ME2: variants seen among roughly 807,000 people sequenced by gnomAD.
The protein encoded by ME2 is NAD-dependent malic enzyme, mitochondrial.
A neutral mutation model predicts 73.7 loss-of-function variants in ME2; 60 were observed. The observed-to-expected ratio is 0.81, with a 90% CI of 0.66 to 1.01. ME2 has a LOEUF of 1.01. ME2 is among the 50% of genes least tolerant of loss of function. The probability of loss-of-function intolerance (pLI) is 0.00; values close to 1 mark genes in which losing one functional copy is unlikely to be tolerated. For missense variants in ME2, 594 were observed against 705.5 expected, an observed-to-expected ratio of 0.84 and a Z score of 1.79; for synonymous variants, 199 against 236.9, an observed-to-expected ratio of 0.84 and a Z score of 1.47.
intron 15 of ME2, among the ~76,000 whole-genome samples, chr18:50,941,345 G>A (rs1161851664): frequency 7.8e-6 from 1 of 127,482 alleles, no homozygotes; most frequent in Non-Finnish European, 1.6e-5. Context: ...GTGTATTTGT[G>A]ATGGTTTCTT....
At position 50,950,467 on chromosome 18, in the gene ME2, C is replaced by CCTTTTTTTTTT. The variant is rs1320031263; in HGVS notation, c.*3283_*3284insCTTTTTTTTTT. 17 of 45,072 alleles carry CCTTTTTTTTTT rather than the reference C, an allele frequency of 3.8e-4. No homozygotes were observed. The highest frequency in any genetic ancestry group is 1.2e-3 in the African/African-American group (14 of 11,284). 2.8% of individuals were successfully genotyped at this position (45,072 alleles called of 1,614,324 possible). On this transcript the variant is annotated 3_prime_UTR_variant, in exon 16 of 16. Coordinates refer to ENST00000321341, the MANE Select transcript of ME2 (RefSeq NM_002396.5). ...GCCTGGGGTGGGGCCTCAGATTCTG[C>CCTTTTTTTTTT]TTTTTTTTTTTTTTTTTTTTTTTTT...
chr18:50,907,908 C>G (rs1452785095), intron 2 of ME2, among the ~76,000 whole-genome samples, 155 bp from the exon 3 acceptor site: 1 of 152,140 alleles, frequency 6.6e-6, no homozygotes, highest in Non-Finnish European at 1.5e-5. Flanking sequence ...ACACCCTGAC[C>G]AATACTGACA....
At chr18:50,917,246 C>T in intron 5 of ME2, 101 bp from the exon 6 acceptor site, 3 of 877,316 alleles carry the variant, frequency 3.4e-6, no homozygotes, top group Non-Finnish European at 5.1e-6. Context: ...TTTTTAAGAG[C>T]AAAGAGTAAA....
chr18:50,935,347 A>G (rs1040925852), intron 13 of ME2: 3 of 152,198 alleles, frequency 2.0e-5, no homozygotes, highest in East Asian at 1.9e-4. Context: ...CGTAAATGCT[A>G]TGAAACAAAT....
chr18:50,924,098 G>A lies in ME2; in HGVS notation c.1057G>A (p.Gly353Arg), dbSNP rs1457864062. Residue 353 changes from glycine to arginine, a missense_variant and splice_region_variant, in exon 11 of 16, where the codon GGA (glycine) becomes AGA (arginine). Physicochemically the swap from Gly to Arg is moderately radical, Grantham distance 125. Transcript: ENST00000321341. ...TACTGTATTTTATCTCAAAATTTAG[G>A]GACGGAAAGCAAAAATAGATAGTTA... The part of the protein sequence containing the change: ...MFDKYGLLVK[G>R]RKAKIDSYQE... 1 of 1,599,160 alleles carries A rather than the reference G, an allele frequency of 6.3e-7. No individual in the cohort carries two copies. The highest frequency in any genetic ancestry group is 1.1e-5 in the South Asian group (1 of 88,874).
chr18:50,946,232 G>T (rs1918080134), intron 15 of ME2, among the ~76,000 whole-genome samples: 1 of 152,300 alleles, frequency 6.6e-6, no homozygotes, highest in South Asian at 2.1e-4. Context: ...CAGAACTGAG[G>T]TTCAAGGGCT....
intron 2 of ME2, among the ~76,000 whole-genome samples, chr18:50,907,316 A>T (rs1917041511): frequency 6.6e-6 from 1 of 152,202 alleles, no homozygotes; most frequent in Non-Finnish European, 1.5e-5. Flanking sequence ...TAAAACTCAC[A>T]AAGCTTGTTG....
intron 15 of ME2, among the ~76,000 whole-genome samples, chr18:50,946,698 C>T (rs1918091333): frequency 1.3e-5 from 2 of 152,162 alleles, no homozygotes; most frequent in African/African-American, 4.8e-5. Context: ...GTCAAGTTGG[C>T]TGTGATTAGG....
chr18:50,881,479 G>C (rs1245174012), intron 1 of ME2, among the ~76,000 whole-genome samples: 2 of 152,102 alleles, frequency 1.3e-5, no homozygotes, highest in Non-Finnish European at 2.9e-5. Flanking sequence ...TATTTTATTT[G>C]AAAGTTACGA....
rs541160771 is a variant in ME2, at chr18:50,941,415, T to C, written c.1587+1029T>C. Reference sequence around the variant, plus strand: ...AGAGTCTTGCTCTGTCACCCAGGCTTGAGTGCAGTGGCGGAATCTCAGCTC... The same window carrying C: ...AGAGTCTTGCTCTGTCACCCAGGCTCGAGTGCAGTGGCGGAATCTCAGCTC... On this transcript the variant is annotated intron_variant, in intron 15 of 15. Transcript: ENST00000321341. Among the ~76,000 whole-genome samples the C allele has an allele frequency of 6.4e-5, 8 of 124,994 alleles. No homozygotes were observed. The East Asian group carries it at 1.9e-3, about 29-fold the overall frequency. 82.0% of individuals were successfully genotyped at this position (124,994 alleles called of 152,430 possible). A position where few individuals can be genotyped will look rare whatever the true frequency, so the allele number is the denominator to read the frequency against.
intron 4 of ME2, among the ~76,000 whole-genome samples, chr18:50,914,111 C>T (rs1172605410): frequency 7.2e-5 from 11 of 152,104 alleles, no homozygotes; most frequent in Admixed American, 7.2e-4. Context: ...TTCCTCTCCT[C>T]CCCATCCCCA....
At position 50,953,247 on chromosome 18, in the gene ME2, C is replaced by G. The variant is rs1418724618; in HGVS notation, c.*6063C>G. 13 of 152,198 alleles carry G rather than the reference C, an allele frequency of 8.5e-5. No homozygotes were observed. Among genetic ancestry groups the G allele is most frequent in the Admixed American group, 8.5e-4 (13 of 15,258 alleles). The allele number at this position is 152,198 out of a possible 1,614,324, so 9.4% of individuals were successfully genotyped here. ...CCGAGTAGCTCGGACTACAGGCGCCCGCCACCTCGCCCAGCTAATTTTTTG... is the reference window on the plus strand; with the variant it reads ...CCGAGTAGCTCGGACTACAGGCGCCGGCCACCTCGCCCAGCTAATTTTTTG... On this transcript the variant is annotated 3_prime_UTR_variant, in exon 16 of 16. Coordinates refer to ENST00000321341, the MANE Select transcript of ME2 (RefSeq NM_002396.5).
chr18:50,937,514 C>CTAAT (rs1206036689), intron 13 of ME2, among the ~76,000 whole-genome samples: 12 of 152,038 alleles, frequency 7.9e-5, no homozygotes, highest in African/African-American at 2.9e-4. Flanking sequence ...TACTAGTCAT[C>CTAAT]TGAAGAAAGT....
chr18:50,891,835 A>T (rs571328117), intron 1 of ME2, among the ~76,000 whole-genome samples: 1 of 145,018 alleles, frequency 6.9e-6, no homozygotes, highest in African/African-American at 2.6e-5. Context: ...TTTTTTTGAG[A>T]TGGGGTCTCA....
intron 4 of ME2, 22 bp downstream of exon 4, chr18:50,912,972 G>A (rs1917193288): frequency 2.6e-6 from 4 of 1,558,382 alleles, no homozygotes; most frequent in Non-Finnish European, 3.5e-6. Context: ...TTAAAAAAAA[G>A]CTTGTAAATG....
intron 1 of ME2, 57 bp from the exon 2 acceptor site, chr18:50,895,752 A>G: frequency 9.6e-7 from 1 of 1,045,500 alleles, no homozygotes; most frequent in Non-Finnish European, 1.5e-6. Context: ...TACCCGATGG[A>G]CATGAAGGCC....
At chr18:50,936,319 A>G (rs1034173055) in intron 13 of ME2, among the ~76,000 whole-genome samples, 1 of 152,180 alleles carries the variant, frequency 6.6e-6, no homozygotes, top group Non-Finnish European at 1.5e-5. Context: ...CAGAAAAACA[A>G]AAAACCGGGG....
At chr18:50,916,288 T>C (rs1223439051) in intron 5 of ME2, 45 bp downstream of exon 5, 1 of 1,414,892 alleles carries the variant, frequency 7.1e-7, no homozygotes, top group Non-Finnish European at 9.9e-7. Flanking sequence ...TTCTCTTTTC[T>C]TGTAAATTAC....
chr18:50,939,166 A>G lies in ME2; in HGVS notation c.1418-404A>G, dbSNP rs182379104. The G allele has an allele frequency of 3.8e-3, 583 of 153,226 alleles. 9 individuals carry two copies. In the East Asian group the frequency reaches 0.054, roughly 14 times the overall value. 9.5% of individuals were successfully genotyped at this position (153,226 alleles called of 1,614,324 possible). On this transcript the variant is annotated intron_variant, in intron 13 of 15. Transcript: ENST00000321341. Reference sequence around the variant, plus strand: ...AAAAAAAAAAAGAGAGAGAGAGAGAAAAAAAAATCACAAGAAACATAAGTT... The same window carrying G: ...AAAAAAAAAAAGAGAGAGAGAGAGAGAAAAAAATCACAAGAAACATAAGTT...
Sources: gnomAD v4.1 joint callset for allele counts (sites outside exome capture counted in the v4.1 genomes callset) on GRCh38, gnomAD v4.1.1 for gene constraint, MANE v1.5 for transcripts, NCBI Gene and HGNC (gene_info 2026-07-23, HGNC 2026-07-21) for gene names.